Variants in GPR158 observed in about 807,000 individuals in gnomAD.
The protein encoded by GPR158 is G protein-coupled receptor 158.
Under a neutral mutation model 78.2 loss-of-function variants are expected in GPR158, and 30 were observed. That is an observed-to-expected ratio of 0.38 (90% CI 0.29 to 0.52). The LOEUF is 0.52. Among genes scored for constraint, GPR158 ranks in the 20% least tolerant of loss-of-function variants. The pLI is 0.83. For missense variants in GPR158, 1,463 were observed against 1,523.5 expected, an observed-to-expected ratio of 0.96 and a Z score of 0.66; for synonymous variants, 581 against 591.1, an observed-to-expected ratio of 0.98 and a Z score of 0.25.
chr10:25,282,979 T>C (rs933987783), intron 2 of GPR158, among the ~76,000 whole-genome samples: 3 of 152,130 alleles, frequency 2.0e-5, no homozygotes, highest in Non-Finnish European at 2.9e-5. Flanking sequence ...TCTTTTTTTG[T>C]AATGTCTTTC....
chr10:25,301,694 G>T (rs888039597), intron 2 of GPR158, among the ~76,000 whole-genome samples: 2 of 56,192 alleles, frequency 3.6e-5, no homozygotes, highest in African/African-American at 2.2e-4. Context: ...TGATACCTTT[G>T]ACACAGATTT....
At chr10:25,216,478 G>A (rs1853216437) in intron 1 of GPR158, among the ~76,000 whole-genome samples, 1 of 151,836 alleles carries the variant, frequency 6.6e-6, no homozygotes, top group Non-Finnish European at 1.5e-5. Flanking sequence ...TTTGGGGGTG[G>A]GGGGAATGTC....
chr10:25,177,801 A>T (rs1852559985), intron 1 of GPR158, among the ~76,000 whole-genome samples: 2 of 152,328 alleles, frequency 1.3e-5, no homozygotes, highest in Non-Finnish European at 1.5e-5. Flanking sequence ...TATTAAGTGC[A>T]TGTGTGTGTG....
chr10:25,516,376 T>A (rs945404339), intron 5 of GPR158, among the ~76,000 whole-genome samples: 53 of 152,116 alleles, frequency 3.5e-4, no homozygotes, highest in African/African-American at 1.2e-3. Flanking sequence ...TTAGTTTAAT[T>A]AGATCCCATT....
At chr10:25,346,631 A>C (rs1773650) in intron 2 of GPR158, among the ~76,000 whole-genome samples, 1 of 151,756 alleles carries the variant, frequency 6.6e-6, no homozygotes, top group East Asian at 2.0e-4. Context: ...GATTAAATTG[A>C]AGTGCCATTT....
At chr10:25,283,686 C>T (rs1272355351) in intron 2 of GPR158, among the ~76,000 whole-genome samples, 2 of 151,700 alleles carry the variant, frequency 1.3e-5, no homozygotes, top group African/African-American at 4.8e-5. Context: ...ATTTTTTAGT[C>T]AGAAGCTTAG....
chr10:25,237,838 T>A (rs1853544338), intron 2 of GPR158, among the ~76,000 whole-genome samples: 1 of 152,224 alleles, frequency 6.6e-6, no homozygotes. Context: ...TATATCTACA[T>A]GTAAATGTAA....
chr10:25,300,061 T>C (rs1179376508), intron 2 of GPR158, among the ~76,000 whole-genome samples: 1 of 152,178 alleles, frequency 6.6e-6, no homozygotes, highest in Admixed American at 6.5e-5. Context: ...CCCAGCCCTA[T>C]ATCAGTTTTC....
At chr10:25,407,466 C>T (rs1050610953) in intron 3 of GPR158, among the ~76,000 whole-genome samples, 16 of 151,990 alleles carry the variant, frequency 1.1e-4, no homozygotes, top group African/African-American at 3.4e-4. Flanking sequence ...TATTTATTTT[C>T]GGTGCAGGCC....
rs1267212076 is a variant in GPR158 at position 25,518,238 on chromosome 10, T to C, written c.1405-32738T>C. Among the ~76,000 whole-genome samples, 2 of 86,522 alleles carry C rather than the reference T, an allele frequency of 2.3e-5. 1 individual carries two copies. Among genetic ancestry groups the C allele is most frequent in the Non-Finnish European group, 4.5e-5 (2 of 44,780 alleles). The allele number at this position is 86,522 out of a possible 152,430, so 56.8% of individuals were successfully genotyped here. On this transcript the variant is annotated intron_variant, in intron 5 of 10. Coordinates refer to ENST00000376351, the MANE Select transcript of GPR158 (RefSeq NM_020752.3). Reference sequence around the variant, plus strand: ...GTGATATCCCCTTTATCATTTTTTATTGTGTCTATTTGATTCTTCTCTCTT... The same window carrying C: ...GTGATATCCCCTTTATCATTTTTTACTGTGTCTATTTGATTCTTCTCTCTT...
chr10:25,483,477 ATC>A (rs1210830746), intron 5 of GPR158, among the ~76,000 whole-genome samples: 6 of 152,034 alleles, frequency 3.9e-5, no homozygotes, highest in African/African-American at 1.2e-4. Context: ...AGTACTTCTG[ATC>A]TCTCTCATCC....
At chr10:25,323,049 G>T (rs1480839823) in intron 2 of GPR158, among the ~76,000 whole-genome samples, 2 of 152,072 alleles carry the variant, frequency 1.3e-5, no homozygotes, top group Non-Finnish European at 2.9e-5. Flanking sequence ...GTTTCACTAT[G>T]TTAGCCAGGA....
chr10:25,232,764 T>C (rs897271883), intron 2 of GPR158, among the ~76,000 whole-genome samples: 2 of 152,210 alleles, frequency 1.3e-5, no homozygotes, highest in East Asian at 3.8e-4. Context: ...AAGTGTCTAT[T>C]TCAAATTATT....
rs1413522025 is a variant in GPR158 at position 25,212,863 on chromosome 10, C to T, written c.903-8189C>T. Among the ~76,000 whole-genome samples, 3 of 152,114 alleles carry T rather than the reference C, an allele frequency of 2.0e-5. No homozygotes were observed. The South Asian group carries it at 6.2e-4, about 32-fold the overall frequency. On this transcript the variant is annotated intron_variant, in intron 1 of 10. Transcript: ENST00000376351. ...GCCAGGCTGGTCTCGAACTCCTGAC[C>T]TTGTGATCCACCCGCCTTGGCCTCC... is the stretch of plus-strand genomic sequence containing the variant.
At chr10:25,252,104 A>T (rs1853811426) in intron 2 of GPR158, among the ~76,000 whole-genome samples, 1 of 152,128 alleles carries the variant, frequency 6.6e-6, no homozygotes, top group Admixed American at 6.5e-5. Flanking sequence ...AGTTGATCGC[A>T]TCAGCTCCTG....
chr10:25,247,679 T>C (rs1220096889), intron 2 of GPR158, among the ~76,000 whole-genome samples: 1 of 150,952 alleles, frequency 6.6e-6, no homozygotes, highest in Non-Finnish European at 1.5e-5. Flanking sequence ...TATTCCATGG[T>C]GTATATGTGC....
intron 5 of GPR158, among the ~76,000 whole-genome samples, chr10:25,503,613 A>C (rs1835970976): frequency 6.6e-6 from 1 of 152,170 alleles, no homozygotes; most frequent in African/African-American, 2.4e-5. Context: ...ATTCCTTACC[A>C]GTTCCCTGGA....
At chr10:25,547,999 T>C (rs1013324946) in intron 5 of GPR158, among the ~76,000 whole-genome samples, 1 of 152,160 alleles carries the variant, frequency 6.6e-6, no homozygotes, top group Admixed American at 6.6e-5. Flanking sequence ...TGATGTTTTT[T>C]ATGGCTTCCA....
chr10:25,363,258 A>G (rs1435214057), intron 2 of GPR158, among the ~76,000 whole-genome samples: 3 of 151,934 alleles, frequency 2.0e-5, no homozygotes, highest in Admixed American at 6.6e-5. Flanking sequence ...GTATTTTGTT[A>G]TCACTAGCTG....
Sources: gnomAD v4.1 joint callset for allele counts (sites outside exome capture counted in the v4.1 genomes callset) on GRCh38, gnomAD v4.1.1 for gene constraint, MANE v1.5 for transcripts, NCBI Gene and HGNC (gene_info 2026-07-23, HGNC 2026-07-21) for gene names.